ASRGL1: variants seen among roughly 807,000 people sequenced by gnomAD.
ASRGL1 encodes asparaginase and isoaspartyl peptidase 1.
A neutral mutation model predicts 22.4 loss-of-function variants in ASRGL1; 16 were observed. That is an observed-to-expected ratio of 0.71 (90% CI 0.48 to 1.08). The LOEUF (loss-of-function observed/expected upper bound fraction) is 1.08, where lower values mean the gene tolerates loss of function less well. Ranked by LOEUF, ASRGL1 falls within the 50% of genes least tolerant of loss-of-function variation. The probability of loss-of-function intolerance (pLI) is 0.00; values close to 1 mark genes in which losing one functional copy is unlikely to be tolerated. For missense variants in ASRGL1, 412 were observed against 410.1 expected, an observed-to-expected ratio of 1.00 and a Z score of -0.04; for synonymous variants, 165 against 159.3, an observed-to-expected ratio of 1.04 and a Z score of -0.27.
chr11:62,372,337 T>C (rs1946796079), intron 4 of ASRGL1: 2 of 1,587,168 alleles, frequency 1.3e-6, no homozygotes, highest in African/African-American at 2.7e-5. Flanking sequence ...ACAGACGCTG[T>C]CCCCAGCCCT....
intron 2 of ASRGL1, among the ~76,000 whole-genome samples, chr11:62,347,611 G>A (rs926096462): frequency 1.4e-5 from 2 of 144,802 alleles, no homozygotes; most frequent in East Asian, 4.0e-4. Context: ...CCCAATCTTC[G>A]GTTGAAAATA....
chr11:62,352,565 C>T (rs988539984), intron 2 of ASRGL1, among the ~76,000 whole-genome samples: 34 of 152,132 alleles, frequency 2.2e-4, no homozygotes, highest in African/African-American at 7.2e-4. Flanking sequence ...GCCTGGGCGA[C>T]GGAGTGAAAC....
intron 5 of ASRGL1, 139 bp from the exon 6 acceptor site, chr11:62,391,383 G>A (rs147958978): frequency 1.6e-6 from 2 of 1,285,198 alleles, no homozygotes; most frequent in East Asian, 2.6e-5. Flanking sequence ...CTTTGCCTCC[G>A]CAGATCATGG....
intron 4 of ASRGL1, among the ~76,000 whole-genome samples, chr11:62,358,355 G>A (rs1435150570): frequency 4.5e-5 from 6 of 133,844 alleles, no homozygotes; most frequent in Non-Finnish European, 9.3e-5. Context: ...GGGCAACAAA[G>A]CGAGACTCCG....
chr11:62,378,652 G>A (rs992273552), intron 4 of ASRGL1, among the ~76,000 whole-genome samples: 3 of 152,108 alleles, frequency 2.0e-5, no homozygotes, highest in Non-Finnish European at 4.4e-5. Flanking sequence ...GGCATTTACG[G>A]CTCTTAAGTC....
chr11:62,384,035 C>CGCGTGTGT (rs1555008596), intron 4 of ASRGL1, among the ~76,000 whole-genome samples: 1 of 150,188 alleles, frequency 6.7e-6, no homozygotes, highest in African/African-American at 2.4e-5. Context: ...CACGTGTGTG[C>CGCGTGTGT]GTGTGTGTGT....
chr11:62,378,628 A>G (rs563520938), intron 4 of ASRGL1, among the ~76,000 whole-genome samples: 1 of 152,282 alleles, frequency 6.6e-6, no homozygotes, highest in South Asian at 2.1e-4. Context: ...GAGAGGCCCC[A>G]TGGGTTGAAT....
intron 2 of ASRGL1, among the ~76,000 whole-genome samples, chr11:62,354,075 A>T (rs1221402649): frequency 6.6e-6 from 1 of 152,238 alleles, no homozygotes; most frequent in East Asian, 1.9e-4. Context: ...CACATGCTAG[A>T]CATTATTCTA....
chr11:62,338,130 T>C lies in ASRGL1; in HGVS notation c.153T>C (p.Ala51=). 6.3e-7 allele frequency: 1 copy of C among 1,596,690 alleles called. No individual in the cohort carries two copies. The highest frequency in any genetic ancestry group is 8.5e-7 in the Non-Finnish European group (1 of 1,172,366). The change falls in exon 2 of 7, where the codon GCT becomes GCC. Residue 51 remains alanine (A), a synonymous_variant. Transcript: ENST00000415229. The part of the protein sequence containing the change: ...GGSAVDAVEG[A]VVALEDDPEF... The stretch of plus-strand genomic sequence containing the variant: ...GCGCCGTGGATGCCGTAGAGGGAGC[T>C]GTCGTCGCCCTGGAAGACGATCCCG...
intron 4 of ASRGL1, chr11:62,381,910 C>A: frequency 6.5e-6 from 1 of 153,002 alleles, no homozygotes; most frequent in South Asian, 1.8e-4. Flanking sequence ...TAGAGAAAAG[C>A]ACCCACGTTG....
chr11:62,356,835 T>G, intron 3 of ASRGL1, 152 bp from the exon 4 acceptor site: 1 of 1,029,684 alleles, frequency 9.7e-7, no homozygotes, highest in Non-Finnish European at 1.4e-6. Context: ...TCAGTCAGGC[T>G]TTTTTCAGCA....
chr11:62,372,113 G>T (rs1461089999), intron 4 of ASRGL1: 3 of 795,588 alleles, frequency 3.8e-6, no homozygotes, highest in Non-Finnish European at 6.8e-6. Context: ...CATCACCACA[G>T]AAGGAAAGCT....
downstream of ASRGL1, among the ~76,000 whole-genome samples, chr11:62,393,933 G>T (rs61893610): frequency 4.0e-5 from 6 of 150,340 alleles, no homozygotes; most frequent in Non-Finnish European, 7.4e-5. Flanking sequence ...TCCTCTGTAC[G>T]TGCACAGCCC....
chr11:62,374,323 G>GT (rs1436010938), intron 4 of ASRGL1, among the ~76,000 whole-genome samples: 3 of 152,198 alleles, frequency 2.0e-5, no homozygotes, highest in African/African-American at 7.2e-5. Context: ...ACTGCACTGA[G>GT]TGAGTTATGA....
chr11:62,378,174 T>C (rs1267617291), intron 4 of ASRGL1, among the ~76,000 whole-genome samples: 1 of 152,212 alleles, frequency 6.6e-6, no homozygotes, highest in Admixed American at 6.5e-5. Flanking sequence ...TTCTTATTTC[T>C]ATTTTTTGTA....
chr11:62,361,614 A>C (rs1488773994), intron 4 of ASRGL1, among the ~76,000 whole-genome samples: 1 of 150,474 alleles, frequency 6.6e-6, no homozygotes, highest in Non-Finnish European at 1.5e-5. Context: ...CAGCCTCCCG[A>C]GTAGCTGGGA....
chr11:62,355,766 C>A (rs920819485), intron 2 of ASRGL1, among the ~76,000 whole-genome samples: 1 of 151,928 alleles, frequency 6.6e-6, no homozygotes, highest in Non-Finnish European at 1.5e-5. Context: ...GAGGACCCTG[C>A]GGCCTTCCGC....
intron 2 of ASRGL1, among the ~76,000 whole-genome samples, chr11:62,344,461 G>A (rs772987522): frequency 5.3e-5 from 8 of 151,918 alleles, no homozygotes; most frequent in Non-Finnish European, 7.4e-5. Flanking sequence ...TGCTTTTTGT[G>A]TTGTATCTTA....
chr11:62,367,166 A>G (rs369616227), intron 4 of ASRGL1, among the ~76,000 whole-genome samples: 39 of 151,364 alleles, frequency 2.6e-4, no homozygotes, highest in African/African-American at 9.5e-4. Flanking sequence ...GTGAAACCGC[A>G]TCTCTACTAA....
Sources: gnomAD v4.1 joint callset for allele counts (sites outside exome capture counted in the v4.1 genomes callset) on GRCh38, gnomAD v4.1.1 for gene constraint, MANE v1.5 for transcripts, NCBI Gene and HGNC (gene_info 2026-07-23, HGNC 2026-07-21) for gene names.